The following ABHD3 variants were observed in gnomAD, a reference collection of about 807,000 sequenced individuals.
ABHD3 encodes phospholipase ABHD3.
In ABHD3, 46 loss-of-function variants were observed where a neutral mutation model predicts 48.8. That is an observed-to-expected ratio of 0.94 (90% CI 0.74 to 1.20). ABHD3 has a LOEUF of 1.20. Ranked by LOEUF, ABHD3 falls within the 50% of genes most tolerant of loss-of-function variation. The pLI is 0.00. For synonymous variants in ABHD3, 192 were observed against 183.7 expected (o/e 1.04, Z -0.36); for missense variants, 490 against 497.8 (o/e 0.98, Z 0.15).
rs1385157454 is a variant in ABHD3, at chr18:21,650,949, A to G, written c.*642T>C. ...AATATAATGATATATATGTGTCCACATATACTATTTTAAAAATAAGCATGT... is the reference window on the plus strand; with the variant it reads ...AATATAATGATATATATGTGTCCACGTATACTATTTTAAAAATAAGCATGT... On this transcript the variant is annotated 3_prime_UTR_variant, in exon 9 of 9. Transcript: ENST00000289119. 6.6e-6 allele frequency: 1 copy of G among 152,210 alleles called. No homozygotes were observed. The highest frequency in any genetic ancestry group is 1.5e-5 in the Non-Finnish European group (1 of 68,030). The allele number at this position is 152,210 out of a possible 1,614,324, so 9.4% of individuals were successfully genotyped here. A position where few individuals can be genotyped will look rare whatever the true frequency, so the allele number is the denominator to read the frequency against.
chr18:21,667,819 C>T (rs930534037), intron 4 of ABHD3, among the ~76,000 whole-genome samples: 5 of 151,938 alleles, frequency 3.3e-5, no homozygotes, highest in African/African-American at 1.2e-4. Flanking sequence ...GACTATGCTC[C>T]GACACTTAAA....
chr18:21,697,958 T>C (rs888523754), intron 3 of ABHD3, among the ~76,000 whole-genome samples: 1 of 152,254 alleles, frequency 6.6e-6, no homozygotes, highest in East Asian at 1.9e-4. Flanking sequence ...AGTTCCCTGG[T>C]GACCTGACAT....
In ABHD3 at chr18:21,672,014, T is replaced by C. The variant is rs976842416; in HGVS notation, c.556-7784A>G. Among the ~76,000 whole-genome samples, 5 of 152,188 alleles carry C rather than the reference T, an allele frequency of 3.3e-5. No homozygotes were observed. The South Asian group carries it at 8.3e-4, about 25-fold the overall frequency. The stretch of plus-strand genomic sequence containing the variant: ...GAGAATGAAATATCATTAATTACTA[T>C]TATTCATATATAATAGAAAAACAAT... On this transcript the variant is annotated intron_variant, in intron 4 of 8. Transcript: ENST00000289119.
chr18:21,673,857 C>G (rs930396863), intron 4 of ABHD3, among the ~76,000 whole-genome samples: 2 of 152,108 alleles, frequency 1.3e-5, no homozygotes, highest in South Asian at 4.2e-4. Context: ...CCACCCGCCT[C>G]GGCCTCTCAA....
chr18:21,666,424 C>T (rs2039630879), intron 4 of ABHD3, among the ~76,000 whole-genome samples: 1 of 152,152 alleles, frequency 6.6e-6, no homozygotes, highest in South Asian at 2.1e-4. Flanking sequence ...TAACTCCTGA[C>T]CTCATGATCT....
intron 4 of ABHD3, among the ~76,000 whole-genome samples, chr18:21,675,377 T>A (rs1264187998): frequency 6.7e-6 from 1 of 149,696 alleles, no homozygotes; most frequent in African/African-American, 2.5e-5. Context: ...CAAGCGATTC[T>A]CCTGCCTCAG....
At position 21,704,619 on chromosome 18, in the gene ABHD3, G is replaced by A. The variant is rs768805480; in HGVS notation, c.47C>T (p.Ser16Phe). ...CCGGACTTGGTGTTCCAGGTAGAGG[G>A]AGAGCTCCCGGGACAACATCCGCAG... ...MDLRMLSRELSLYLEHQVRVG... is the reference protein window; with the variant it reads ...MDLRMLSRELFLYLEHQVRVG... The change falls in exon 1 of 9, where the codon TCC becomes TTC. Residue 16 changes from serine (S) to phenylalanine (F), a missense_variant. Physicochemically the swap from Ser to Phe is radical, Grantham distance 155 (BLOSUM62 -2). Transcript: ENST00000289119. 1.3e-6 allele frequency: 2 copies of A among 1,552,948 alleles called. No individual in the cohort carries two copies. The highest frequency in any genetic ancestry group is 1.7e-6 in the Non-Finnish European group (2 of 1,152,274).
At chr18:21,689,487 T>C (rs1184232867) in intron 3 of ABHD3, among the ~76,000 whole-genome samples, 1 of 133,944 alleles carries the variant, frequency 7.5e-6, no homozygotes, top group Non-Finnish European at 1.5e-5. Context: ...AGGCGGAGTT[T>C]GCAGTGAGCC....
At chr18:21,700,680 G>T (rs943315375) in intron 3 of ABHD3, among the ~76,000 whole-genome samples, 1 of 152,006 alleles carries the variant, frequency 6.6e-6, no homozygotes, top group African/African-American at 2.4e-5. Context: ...TATTACAGGC[G>T]TCAGCCACTG....
intron 4 of ABHD3, among the ~76,000 whole-genome samples, chr18:21,665,351 T>C (rs1026287303): frequency 1.6e-4 from 24 of 152,072 alleles, no homozygotes; most frequent in Non-Finnish European, 2.9e-4. Context: ...GTGCTCCTCC[T>C]GCTTCAGCCT....
intron 3 of ABHD3, among the ~76,000 whole-genome samples, chr18:21,685,639 C>T (rs1464754550): frequency 1.3e-5 from 2 of 152,218 alleles, no homozygotes; most frequent in Non-Finnish European, 2.9e-5. Context: ...GGCAATTCTC[C>T]TGCCTCAGCC....
chr18:21,673,222 T>C (rs772103762), intron 4 of ABHD3, among the ~76,000 whole-genome samples: 42 of 152,210 alleles, frequency 2.8e-4, no homozygotes, highest in Non-Finnish European at 1.2e-4. Flanking sequence ...GAAGTGTTTA[T>C]TTAAAATAAA....
intron 4 of ABHD3, among the ~76,000 whole-genome samples, chr18:21,665,024 A>C (rs888879726): frequency 6.6e-6 from 1 of 151,888 alleles, no homozygotes; most frequent in African/African-American, 2.4e-5. Flanking sequence ...GGCTCACTGC[A>C]ACCTCTGCCT....
chr18:21,659,919 C>A (rs1232194526), intron 5 of ABHD3, among the ~76,000 whole-genome samples: 1 of 150,926 alleles, frequency 6.6e-6, no homozygotes, highest in African/African-American at 2.4e-5. Context: ...ACCTGCCCAC[C>A]TTGGCCTCCC....
intron 3 of ABHD3, among the ~76,000 whole-genome samples, chr18:21,697,319 C>A (rs1221661932): frequency 6.6e-6 from 1 of 151,982 alleles, no homozygotes; most frequent in African/African-American, 2.4e-5. Flanking sequence ...GTGATCAGCC[C>A]ACCTCGGACT....
At chr18:21,682,482 T>C (rs747940033) in intron 4 of ABHD3, 8 of 152,086 alleles carry the variant, frequency 5.3e-5, no homozygotes, top group African/African-American at 1.4e-4. Flanking sequence ...CAAAGGCTAC[T>C]GTTAAACACT....
chr18:21,665,534 C>T (rs750030600), intron 4 of ABHD3, among the ~76,000 whole-genome samples: 5 of 151,978 alleles, frequency 3.3e-5, no homozygotes, highest in African/African-American at 4.8e-5. Flanking sequence ...AACAAACAAG[C>T]AGCCAGGCGC....
intron 4 of ABHD3, among the ~76,000 whole-genome samples, chr18:21,668,106 C>T (rs549279446): frequency 7.1e-6 from 1 of 141,396 alleles, no homozygotes; most frequent in East Asian, 2.1e-4. Context: ...GAGGCTGAGG[C>T]AGGAGAATGG....
At position 21,656,863 on chromosome 18, in the gene ABHD3, T is replaced by C; in HGVS notation, c.1055A>G (p.His352Arg). The change falls in exon 8 of 9, where the codon CAT (histidine) becomes CGT (arginine). Residue 352 changes from histidine (H) to arginine (R), a missense_variant and splice_region_variant. Coordinates refer to ENST00000289119, the MANE Select transcript of ABHD3 (RefSeq NM_138340.5). ...NSVDDVFSPS[H>R]AIPIETAKQN... ...ATATACAAATATGTTAATTTTACCATGACTGGGTGAGAAAACATCATCCAC... is the reference window on the plus strand; with the variant it reads ...ATATACAAATATGTTAATTTTACCACGACTGGGTGAGAAAACATCATCCAC... The C allele has an allele frequency of 1.9e-6, 3 of 1,588,606 alleles. No homozygotes were observed. The highest frequency in any genetic ancestry group is 1.7e-6 in the Non-Finnish European group (2 of 1,165,078).
Sources: gnomAD v4.1 joint callset for allele counts (sites outside exome capture counted in the v4.1 genomes callset) on GRCh38, gnomAD v4.1.1 for gene constraint, MANE v1.5 for transcripts, NCBI Gene and HGNC (gene_info 2026-07-23, HGNC 2026-07-21) for gene names.